The following APBB2 variants were observed in gnomAD, a reference collection of about 807,000 sequenced individuals.
The protein encoded by APBB2 is amyloid beta precursor protein binding family B member 2.
APBB2 carries 38 observed loss-of-function variants against 82.5 expected under a neutral mutation model. The ratio of observed to expected loss-of-function variants is 0.46; its 90% confidence interval spans 0.36 to 0.60. The LOEUF (loss-of-function observed/expected upper bound fraction) is 0.60, where lower values mean the gene tolerates loss of function less well. Among genes scored for constraint, APBB2 ranks in the 20% least tolerant of loss-of-function variants. The pLI, the probability that APBB2 is intolerant of heterozygous loss-of-function variation, is 0.00. For synonymous variants in APBB2, 341 were observed against 368.2 expected, an observed-to-expected ratio of 0.93 and a Z score of 0.85; for missense variants, 772 against 972.3, an observed-to-expected ratio of 0.79 and a Z score of 2.74.
At chr4:40,859,111 T>C (rs1184202273) in intron 12 of APBB2, among the ~76,000 whole-genome samples, 5 of 152,190 alleles carry the variant, frequency 3.3e-5, no homozygotes, top group African/African-American at 1.2e-4. Flanking sequence ...TAGATGGGTC[T>C]GCCAGATGTC....
intron 12 of APBB2, chr4:40,881,528 CT>C (rs148967363): frequency 7.0e-4 from 108 of 154,862 alleles, no homozygotes; most frequent in Non-Finnish European, 9.5e-4. Context: ...CTTTTCTTTT[CT>C]TTTTCTTTTT....
intron 12 of APBB2, among the ~76,000 whole-genome samples, chr4:40,883,506 G>A (rs1288533119): frequency 6.6e-6 from 1 of 152,072 alleles, no homozygotes; most frequent in Admixed American, 6.5e-5. Context: ...AGAATTGCTT[G>A]AACCCAGGAG....
At chr4:41,139,660 C>T (rs1377391508) in intron 2 of APBB2, among the ~76,000 whole-genome samples, 1 of 152,076 alleles carries the variant, frequency 6.6e-6, no homozygotes, top group East Asian at 1.9e-4. Context: ...GTGAAAAAGC[C>T]AATCTGAAAA....
chr4:41,137,459 G>C (rs1757898930), intron 2 of APBB2, among the ~76,000 whole-genome samples: 1 of 152,070 alleles, frequency 6.6e-6, no homozygotes, highest in African/African-American at 2.4e-5. Context: ...TACCATATTA[G>C]ATTTCCATAA....
At chr4:41,044,066 A>G (rs1308674661) in intron 4 of APBB2, among the ~76,000 whole-genome samples, 1 of 152,204 alleles carries the variant, frequency 6.6e-6, no homozygotes, top group Non-Finnish European at 1.5e-5. Flanking sequence ...AGCCATTGTT[A>G]TTCAATGCCT....
At chr4:40,904,684 C>CTTT (rs5857754) in intron 10 of APBB2, among the ~76,000 whole-genome samples, 1,427 of 133,852 alleles carry the variant, frequency 0.011, 20 homozygotes, top group African/African-American at 0.029. Context: ...TTTGTTATTG[C>CTTT]TTTTTTTTTT....
In APBB2 at chr4:41,037,779, G is replaced by C. The variant is rs551900304; in HGVS notation, c.-50-4475C>G. On this transcript the variant is annotated intron_variant, in intron 4 of 17. Coordinates refer to ENST00000508593, the MANE Select transcript of APBB2 (RefSeq NM_004307.2). ...TCATACCTGTAACCCCAGCACTTTG[G>C]GTGGCTGAGGCGGGTGGATTACGAG... is the stretch of plus-strand genomic sequence containing the variant. 3.5e-4 allele frequency among the ~76,000 whole-genome samples: 53 copies of C among 152,220 alleles called. 2 individuals carry two copies. In the South Asian group the frequency reaches 0.011, roughly 30 times the overall value.
Position 41,142,666 on chromosome 4 carries a change from G to T in APBB2, c.-261+321C>A, listed in dbSNP as rs547392252. Among the ~76,000 whole-genome samples the T allele has an allele frequency of 2.6e-5, 4 of 152,314 alleles. No homozygotes were observed. The South Asian group carries it at 8.3e-4, about 32-fold the overall frequency. On this transcript the variant is annotated intron_variant, in intron 2 of 17. Transcript: ENST00000508593. Reference sequence around the variant, plus strand: ...TCCCCAAAATAAAGCCAAGACCATTGAAGTTGGCATAGGTGGCTTCCAGTT... The same window carrying T: ...TCCCCAAAATAAAGCCAAGACCATTTAAGTTGGCATAGGTGGCTTCCAGTT...
chr4:41,113,094 A>G (rs1183976456), intron 2 of APBB2, among the ~76,000 whole-genome samples: 1 of 152,212 alleles, frequency 6.6e-6, no homozygotes, highest in Non-Finnish European at 1.5e-5. Context: ...CTGTGAGTCC[A>G]GGGCTGGGTT....
At chr4:41,150,096 T>C (rs554195649) in intron 1 of APBB2, among the ~76,000 whole-genome samples, 1 of 152,354 alleles carries the variant, frequency 6.6e-6, no homozygotes, top group East Asian at 1.9e-4. Context: ...TTTCAACTGT[T>C]CCCAGATGAT....
chr4:41,087,618 T>A (rs12512587), intron 3 of APBB2, among the ~76,000 whole-genome samples: 1 of 151,118 alleles, frequency 6.6e-6, no homozygotes, highest in African/African-American at 2.4e-5. Context: ...TTAGTAGAGA[T>A]GGGGTTTCAC....
chr4:40,900,171 A>T (rs752917509), intron 10 of APBB2, among the ~76,000 whole-genome samples: 4 of 152,232 alleles, frequency 2.6e-5, no homozygotes, highest in Non-Finnish European at 4.4e-5. Flanking sequence ...ATCTATGGGA[A>T]TCATTTACCA....
At chr4:40,911,780 G>A (rs1778632344) in intron 10 of APBB2, among the ~76,000 whole-genome samples, 1 of 152,162 alleles carries the variant, frequency 6.6e-6, no homozygotes. Context: ...ACACCTAGGG[G>A]GACACGGATT....
At chr4:40,992,760 C>T (rs779673880) in intron 6 of APBB2, among the ~76,000 whole-genome samples, 1 of 152,156 alleles carries the variant, frequency 6.6e-6, no homozygotes, top group Non-Finnish European at 1.5e-5. Context: ...GCTGCACCAC[C>T]CTCAGGACCC....
chr4:41,213,239 C>T (rs1394359471), intron 1 of APBB2, among the ~76,000 whole-genome samples: 1 of 152,118 alleles, frequency 6.6e-6, no homozygotes, highest in Non-Finnish European at 1.5e-5. Context: ...AATTCAAACA[C>T]CACCGATGGC....
intron 4 of APBB2, among the ~76,000 whole-genome samples, chr4:41,064,916 G>C: frequency 6.6e-6 from 1 of 152,248 alleles, no homozygotes; most frequent in Non-Finnish European, 1.5e-5. Flanking sequence ...TTTAATTTAT[G>C]GCATTATTAT....
At position 41,087,283 on chromosome 4, in the gene APBB2, T is replaced by C. The variant is rs921323665; in HGVS notation, c.-149+13356A>G. On this transcript the variant is annotated intron_variant, in intron 3 of 17. Transcript: ENST00000508593. ...CTATTAAAACCCCAATGATGTTTTC[T>C]GTAGAAACGGAAAAATCAGCATTTA... 8.1e-4 allele frequency among the ~76,000 whole-genome samples: 123 copies of C among 152,260 alleles called. 2 individuals are homozygous for C. Among genetic ancestry groups the C allele is most frequent in the Non-Finnish European group, 1.4e-3 (93 of 68,046 alleles).
rs532725862 is a variant in APBB2 at position 41,166,553 on chromosome 4, G to C, written c.-416-23411C>G. ...AGATTGCACCACTGCACTCCAGCCG[G>C]GTCAACAGAGCGAGACTGTCAAAAA... On this transcript the variant is annotated intron_variant, in intron 1 of 17. Coordinates refer to ENST00000508593, the MANE Select transcript of APBB2 (RefSeq NM_004307.2). Among the ~76,000 whole-genome samples, 377 of 150,778 alleles carry C rather than the reference G, an allele frequency of 2.5e-3. 1 individual carries two copies. Among genetic ancestry groups the C allele is most frequent in the Middle Eastern group, 0.014 (4 of 294 alleles).
At chr4:40,958,531 A>G (rs1386504456) in intron 6 of APBB2, among the ~76,000 whole-genome samples, 1 of 152,252 alleles carries the variant, frequency 6.6e-6, no homozygotes, top group Non-Finnish European at 1.5e-5. Flanking sequence ...AAGCCTAAGC[A>G]TAATAATGAA....
Sources: allele counts gnomAD v4.1 joint callset (sites outside exome capture counted in the v4.1 genomes callset), GRCh38; gene constraint gnomAD v4.1.1; transcripts MANE v1.5; gene names NCBI Gene and HGNC (gene_info 2026-07-23, HGNC 2026-07-21).